Variants in CCDC3 observed in about 807,000 individuals in gnomAD.
The protein encoded by CCDC3 is coiled-coil domain containing 3.
In CCDC3, 24 loss-of-function variants were observed where a neutral mutation model predicts 21.4. The ratio of observed to expected loss-of-function variants is 1.12; its 90% confidence interval spans 0.81 to 1.58. CCDC3 has a LOEUF of 1.58. CCDC3 is among the 40% of genes most tolerant of loss of function. CCDC3 has a pLI of 0.00. For synonymous variants in CCDC3, 186 were observed against 166.0 expected (o/e 1.12, Z -0.93); for missense variants, 425 against 360.9 (o/e 1.18, Z -1.44).
Position 13,065,950 on chromosome 10 carries a change from G to A in CCDC3, c.-270+7918C>T, listed in dbSNP as rs188419440. 7.4e-3 allele frequency among the ~76,000 whole-genome samples: 1,128 copies of A among 152,268 alleles called. 8 individuals carry two copies. The highest frequency in any genetic ancestry group is 0.011 in the Non-Finnish European group (734 of 68,018). The stretch of plus-strand genomic sequence containing the variant: ...TAAGTTCAGGAAAGAATGAGTGAAC[G>A]AATGAGTGGGAAGTGAGTTGGAAGA... On this transcript the variant is annotated intron_variant, in intron 4 of 6. Coordinates refer to the CCDC3 transcript ENST00000378839.
At chr10:12,945,176 A>G (rs10906263) in intron 2 of CCDC3, among the ~76,000 whole-genome samples, 68,193 of 152,006 alleles carry the variant, frequency 0.45, 16,232 homozygotes, top group African/African-American at 0.58. Context: ...ACAGACAGCT[A>G]GTGTAATAGG....
intron 2 of CCDC3, among the ~76,000 whole-genome samples, chr10:12,942,085 T>C (rs1410236596): frequency 1.3e-5 from 2 of 152,178 alleles, no homozygotes; most frequent in Non-Finnish European, 2.9e-5. Context: ...ATGTCCATTT[T>C]CTCTCTTGTT....
upstream of CCDC3, among the ~76,000 whole-genome samples, chr10:13,006,620 G>A (rs1029592047): frequency 2.0e-5 from 3 of 152,160 alleles, no homozygotes; most frequent in African/African-American, 7.2e-5. Flanking sequence ...AACAATAAAA[G>A]CCATCACCCA....
intron 2 of CCDC3, among the ~76,000 whole-genome samples, chr10:12,927,680 T>C (rs1387575296): frequency 6.6e-6 from 1 of 152,138 alleles, no homozygotes; most frequent in East Asian, 1.9e-4. Context: ...TAGGAGTGAA[T>C]TCTCTAATAC....
At chr10:12,998,203 A>T in intron 2 of CCDC3, 135 bp downstream of exon 2, 1 of 854,314 alleles carries the variant, frequency 1.2e-6, no homozygotes, top group Non-Finnish European at 1.7e-6. Flanking sequence ...ATAGCAGGAG[A>T]GAGAGAGGGC....
chr10:12,950,584 T>C (rs1407816256), intron 2 of CCDC3, among the ~76,000 whole-genome samples: 1 of 152,180 alleles, frequency 6.6e-6, no homozygotes, highest in Non-Finnish European at 1.5e-5. Context: ...TACTTTGGGG[T>C]TGGTGACCCT....
At chr10:13,081,963 A>G (rs572174334) in intron 3 of CCDC3, among the ~76,000 whole-genome samples, 1 of 152,296 alleles carries the variant, frequency 6.6e-6, no homozygotes, top group African/African-American at 2.4e-5. Context: ...AACTGTGCCA[A>G]ACTCTCTCTG....
chr10:13,068,116 T>A (rs753559579), intron 4 of CCDC3, among the ~76,000 whole-genome samples: 1 of 152,150 alleles, frequency 6.6e-6, no homozygotes, highest in East Asian at 1.9e-4. Context: ...AAGAAACCTG[T>A]TTTTCTCATG....
chr10:13,042,306 G>A (rs1165013094), intron 5 of CCDC3, among the ~76,000 whole-genome samples: 2 of 152,200 alleles, frequency 1.3e-5, no homozygotes, highest in Non-Finnish European at 2.9e-5. Flanking sequence ...GGTGGACTAC[G>A]GCTTGGGAAC....
At chr10:12,900,608 G>A (rs1166631846) in intron 2 of CCDC3, among the ~76,000 whole-genome samples, 3 of 146,648 alleles carry the variant, frequency 2.0e-5, no homozygotes, top group African/African-American at 5.0e-5. Context: ...GGAGAATGGC[G>A]TGAACCTGGG....
chr10:13,015,563 C>T (rs1460134164), intron 5 of CCDC3, among the ~76,000 whole-genome samples: 1 of 151,996 alleles, frequency 6.6e-6, no homozygotes, highest in African/African-American at 2.4e-5. Flanking sequence ...TGTTATGACC[C>T]CCAATTTATA....
chr10:12,957,048 G>T (rs7897328), intron 2 of CCDC3, among the ~76,000 whole-genome samples: 141 of 152,270 alleles, frequency 9.3e-4, no homozygotes, highest in African/African-American at 3.2e-3. Context: ...CTTTTTCAAA[G>T]ACCTAAAAAC....
At chr10:12,948,822 C>T (rs1028103691) in intron 2 of CCDC3, among the ~76,000 whole-genome samples, 3 of 150,106 alleles carry the variant, frequency 2.0e-5, no homozygotes, top group Admixed American at 2.0e-4. Flanking sequence ...AGCTCCACCT[C>T]CCGGGTTCAC....
chr10:13,049,289 G>GA (rs1253784518), intron 5 of CCDC3, among the ~76,000 whole-genome samples: 1 of 152,124 alleles, frequency 6.6e-6, no homozygotes, highest in Non-Finnish European at 1.5e-5. Context: ...CTGCTGGGGG[G>GA]AAAAAGCCTG....
At chr10:12,996,140 C>T (rs1835758352) in intron 2 of CCDC3, among the ~76,000 whole-genome samples, 1 of 152,180 alleles carries the variant, frequency 6.6e-6, no homozygotes, top group Non-Finnish European at 1.5e-5. Context: ...CAGGCTTAGA[C>T]TTGCTGGGTC....
At chr10:12,993,522 A>G (rs1835709260) in intron 2 of CCDC3, among the ~76,000 whole-genome samples, 1 of 152,234 alleles carries the variant, frequency 6.6e-6, no homozygotes, top group East Asian at 1.9e-4. Flanking sequence ...AGTATGGGTC[A>G]GTCTGGGTCT....
chr10:13,071,302 C>A (rs569576972), intron 4 of CCDC3, among the ~76,000 whole-genome samples: 32 of 152,240 alleles, frequency 2.1e-4, no homozygotes, highest in Middle Eastern at 6.8e-3. Context: ...CGCAACCCCC[C>A]CTCAAGACGT....
chr10:12,954,407 C>A (rs1272096492), intron 2 of CCDC3, among the ~76,000 whole-genome samples: 4 of 152,100 alleles, frequency 2.6e-5, no homozygotes, highest in Non-Finnish European at 5.9e-5. Context: ...ACGTCTTTGT[C>A]CATTTGTGTT....
chr10:12,949,545 C>A (rs1337678323), intron 2 of CCDC3, among the ~76,000 whole-genome samples: 3 of 152,192 alleles, frequency 2.0e-5, no homozygotes, highest in East Asian at 3.8e-4. Flanking sequence ...AAACATCTAC[C>A]TGAGCCAGTA....
Sources: gnomAD v4.1 joint callset for allele counts (sites outside exome capture counted in the v4.1 genomes callset) on GRCh38, gnomAD v4.1.1 for gene constraint, MANE v1.5 for transcripts, NCBI Gene and HGNC (gene_info 2026-07-23, HGNC 2026-07-21) for gene names.